SNTB2: variants seen among roughly 807,000 people sequenced by gnomAD.
SNTB2 encodes beta-2-syntrophin.
Under a neutral mutation model 46.2 loss-of-function variants are expected in SNTB2, and 34 were observed. That is an observed-to-expected ratio of 0.74 (90% confidence interval 0.56 to 0.98). SNTB2 has a LOEUF of 0.98. Among genes scored for constraint, SNTB2 ranks in the 50% least tolerant of loss-of-function variants. The pLI, the probability that SNTB2 is intolerant of heterozygous loss-of-function variation, is 0.00. For missense variants in SNTB2, 603 were observed against 731.4 expected (o/e 0.82, Z 2.02); for synonymous variants, 290 against 312.6 (o/e 0.93, Z 0.76).
chr16:69,193,953 C>A (rs1366687720), intron 1 of SNTB2, among the ~76,000 whole-genome samples: 1 of 152,192 alleles, frequency 6.6e-6, no homozygotes, highest in Non-Finnish European at 1.5e-5. Flanking sequence ...GGTTTCAATT[C>A]TTACATTTAA....
rs1965271317 is a variant in SNTB2, at chr16:69,300,814, A to C, written c.1531-18A>C. 1.3e-6 allele frequency: 2 copies of C among 1,535,186 alleles called. No individual in the cohort carries two copies. Among genetic ancestry groups the C allele is most frequent in the East Asian group, 4.5e-5 (2 of 44,502 alleles). The stretch of plus-strand genomic sequence containing the variant: ...ATATGGTAGTGAGGTAGTGATGCTT[A>C]GTGTCCTTTCTCCACAGACCATGGA... On this transcript the variant is annotated intron_variant, in intron 6 of 6. Transcript: ENST00000336278.
At chr16:69,205,108 T>C (rs1369099188) in intron 1 of SNTB2, among the ~76,000 whole-genome samples, 1 of 151,954 alleles carries the variant, frequency 6.6e-6, no homozygotes, top group Non-Finnish European at 1.5e-5. Context: ...GTGTACTTTG[T>C]GTACAGTTGC....
chr16:69,222,410 T>C (rs898897885), intron 1 of SNTB2, among the ~76,000 whole-genome samples: 2 of 152,102 alleles, frequency 1.3e-5, no homozygotes, highest in African/African-American at 2.4e-5. Context: ...CTGGCCAACA[T>C]GGTGAAACCC....
At chr16:69,235,777 A>C in intron 1 of SNTB2, 1 of 1,289,324 alleles carries the variant, frequency 7.8e-7, no homozygotes, top group Non-Finnish European at 1.0e-6. Flanking sequence ...CTGTCTGACC[A>C]ATATCAGGGG....
intron 4 of SNTB2, among the ~76,000 whole-genome samples, chr16:69,271,716 C>T (rs778311616): frequency 2.0e-5 from 3 of 148,990 alleles, no homozygotes; most frequent in Non-Finnish European, 4.5e-5. Flanking sequence ...TTTGTAGAAT[C>T]AGCTTACACT....
chr16:69,282,212 G>A (rs1965056247), intron 4 of SNTB2, among the ~76,000 whole-genome samples: 2 of 149,396 alleles, frequency 1.3e-5, no homozygotes, highest in South Asian at 4.3e-4. Flanking sequence ...TGTAATTCCA[G>A]CACTCAGGGA....
At chr16:69,242,718 G>A (rs1011094275) in intron 1 of SNTB2, among the ~76,000 whole-genome samples, 2 of 152,064 alleles carry the variant, frequency 1.3e-5, no homozygotes, top group Non-Finnish European at 2.9e-5. Context: ...CCACCTTCAC[G>A]TTCAGTAAAA....
At chr16:69,202,440 T>C (rs1964172478) in intron 1 of SNTB2, among the ~76,000 whole-genome samples, 2 of 152,174 alleles carry the variant, frequency 1.3e-5, no homozygotes, top group South Asian at 4.1e-4. Flanking sequence ...TTTCACTCTG[T>C]TACCCAGGCT....
chr16:69,283,931 T>G (rs1965074433), intron 4 of SNTB2, 117 bp from the exon 5 acceptor site: 1 of 915,698 alleles, frequency 1.1e-6, no homozygotes, highest in Non-Finnish European at 1.7e-6. Flanking sequence ...TTGAAATGTC[T>G]ATATCCAAAA....
chr16:69,291,017 G>T (rs1325875139), intron 5 of SNTB2, among the ~76,000 whole-genome samples: 1 of 152,176 alleles, frequency 6.6e-6, no homozygotes, highest in Non-Finnish European at 1.5e-5. Flanking sequence ...TGTAATAAAA[G>T]AAAAATAAGT....
intron 1 of SNTB2, among the ~76,000 whole-genome samples, chr16:69,197,352 G>C (rs1201669919): frequency 2.0e-5 from 3 of 152,062 alleles, no homozygotes; most frequent in Admixed American, 6.6e-5. Flanking sequence ...GAGGGGAAAG[G>C]CATGTCTAGA....
intron 1 of SNTB2, among the ~76,000 whole-genome samples, chr16:69,232,525 T>TC (rs1964517490): frequency 7.3e-6 from 1 of 136,914 alleles, no homozygotes; most frequent in African/African-American, 2.7e-5. Flanking sequence ...TTTTTTTTTT[T>TC]TTTTGGAGAC....
chr16:69,238,692 G>A (rs767419711), intron 1 of SNTB2, among the ~76,000 whole-genome samples: 2 of 151,854 alleles, frequency 1.3e-5, no homozygotes, highest in Non-Finnish European at 1.5e-5. Flanking sequence ...AGCCTTGTTC[G>A]GGACAAAAAT....
chr16:69,231,140 C>G (rs1184970400), intron 1 of SNTB2: 2 of 152,192 alleles, frequency 1.3e-5, no homozygotes, highest in Non-Finnish European at 2.9e-5. Flanking sequence ...TATATAGAGT[C>G]TAAACTTTTT....
At chr16:69,288,522 C>T (rs1292369007) in intron 5 of SNTB2, among the ~76,000 whole-genome samples, 2 of 151,750 alleles carry the variant, frequency 1.3e-5, no homozygotes, top group African/African-American at 4.8e-5. Context: ...AGCTAATATT[C>T]AAAAGACAAA....
chr16:69,279,268 A>G (rs1965013797), intron 4 of SNTB2, among the ~76,000 whole-genome samples: 1 of 152,078 alleles, frequency 6.6e-6, no homozygotes, highest in South Asian at 2.1e-4. Context: ...TTCATGTAGT[A>G]TTTGTCTTTT....
intron 5 of SNTB2, 48 bp from the exon 6 acceptor site, chr16:69,299,542 A>T (rs1965259665): frequency 6.4e-7 from 1 of 1,570,422 alleles, no homozygotes; most frequent in Non-Finnish European, 8.7e-7. Flanking sequence ...TCACTTGATA[A>T]CTGACATAGC....
chr16:69,277,096 C>T (rs1304007971), intron 4 of SNTB2, among the ~76,000 whole-genome samples: 1 of 152,148 alleles, frequency 6.6e-6, no homozygotes, highest in African/African-American at 2.4e-5. Context: ...TTCATGTAAA[C>T]ATCATTTTTT....
At position 69,263,707 on chromosome 16, in the gene SNTB2, C is replaced by T. The variant is rs953265268; in HGVS notation, c.1005+3447C>T. On this transcript the variant is annotated intron_variant, in intron 3 of 6. Coordinates refer to ENST00000336278, the MANE Select transcript of SNTB2 (RefSeq NM_006750.4). ...TGCTGGGATTACAGGAGTGAGCCAC[C>T]GCACCCTGCTGGTTATATTTTTAAA... 3.3e-5 allele frequency among the ~76,000 whole-genome samples: 5 copies of T among 151,944 alleles called. No homozygotes were observed. The East Asian group carries it at 5.8e-4, about 18-fold the overall frequency.
Sources: allele counts gnomAD v4.1 joint callset (sites outside exome capture counted in the v4.1 genomes callset), GRCh38; gene constraint gnomAD v4.1.1; transcripts MANE v1.5; gene names NCBI Gene and HGNC (gene_info 2026-07-23, HGNC 2026-07-21).